The following HINT3 variants were observed in gnomAD, a reference collection of about 807,000 sequenced individuals.
HINT3 encodes the protein adenosine 5'-monophosphoramidase HINT3.
In HINT3, 16 loss-of-function variants were observed where a neutral mutation model predicts 19.1. The observed-to-expected ratio is 0.84, with a 90% CI of 0.57 to 1.27. The LOEUF (loss-of-function observed/expected upper bound fraction) is 1.27. Ranked by LOEUF, HINT3 falls within the 50% of genes most tolerant of loss-of-function variation. The probability of loss-of-function intolerance (pLI) is 0.00; values close to 1 mark genes in which losing one functional copy is unlikely to be tolerated. For missense variants in HINT3, 197 were observed against 225.8 expected, an observed-to-expected ratio of 0.87 and a Z score of 0.82; for synonymous variants, 75 against 84.8, an observed-to-expected ratio of 0.88 and a Z score of 0.63.
chr6:125,958,694 A>G (rs1051030135), intron 1 of HINT3, among the ~76,000 whole-genome samples: 3 of 152,154 alleles, frequency 2.0e-5, no homozygotes, highest in African/African-American at 7.2e-5. Flanking sequence ...CCCAGGGTAC[A>G]TTTTGCAATG....
In HINT3 at chr6:125,957,030, C is replaced by G. The variant is rs780714215; in HGVS notation, c.53C>G (p.Ala18Gly). 5 of 1,550,758 alleles carry G rather than the reference C, an allele frequency of 3.2e-6. No individual in the cohort carries two copies. The highest frequency in any genetic ancestry group is 4.4e-6 in the Non-Finnish European group (5 of 1,146,880). Residue 18 changes from alanine to glycine, a missense_variant, in exon 1 of 5, where the codon GCC becomes GGC. By Grantham distance (60) the Ala-to-Gly change is moderately conservative. Transcript: ENST00000229633. ...RSAGLAPDCE[A>G]SATAETTVSS... ...GCCGGCCTGGCCCCCGACTGTGAGG[C>G]CTCGGCGACTGCAGAAACTACGGTT... is the stretch of plus-strand genomic sequence containing the variant.
chr6:125,975,127 A>T (rs1789163287), intron 4 of HINT3, among the ~76,000 whole-genome samples, 154 bp downstream of exon 4: 1 of 152,156 alleles, frequency 6.6e-6, no homozygotes, highest in Non-Finnish European at 1.5e-5. Flanking sequence ...TAATATTTTT[A>T]ATTTGGGGGA....
At chr6:125,965,733 C>A (rs985577004) in intron 1 of HINT3, among the ~76,000 whole-genome samples, 1 of 151,976 alleles carries the variant, frequency 6.6e-6, no homozygotes, top group East Asian at 1.9e-4. Flanking sequence ...GCCTGGGCTA[C>A]AGAGAGAGAC....
chr6:125,968,828 G>A (rs777343429), intron 2 of HINT3, among the ~76,000 whole-genome samples: 2 of 151,874 alleles, frequency 1.3e-5, no homozygotes, highest in African/African-American at 4.8e-5. Flanking sequence ...AGAAGTGTCC[G>A]TTTATGTCTT....
chr6:125,958,402 G>A (rs747327399), intron 1 of HINT3, among the ~76,000 whole-genome samples: 2 of 152,200 alleles, frequency 1.3e-5, no homozygotes, highest in African/African-American at 4.8e-5. Context: ...TTAATGGTGG[G>A]TTGGGAGGAA....
intron 2 of HINT3, among the ~76,000 whole-genome samples, chr6:125,968,926 A>G (rs1216696651): frequency 1.3e-5 from 2 of 152,136 alleles, no homozygotes; most frequent in Non-Finnish European, 2.9e-5. Flanking sequence ...TGTCAGATGC[A>G]TAGTTTGCAA....
chr6:125,973,834 G>T (rs7775316), intron 3 of HINT3, among the ~76,000 whole-genome samples: 108,867 of 152,134 alleles, frequency 0.72, 39,509 homozygotes, highest in East Asian at 0.95. Flanking sequence ...TCTAACTTTG[G>T]GACCTTGGGA....
At chr6:125,961,509 G>T (rs914926098) in intron 1 of HINT3, among the ~76,000 whole-genome samples, 1 of 152,184 alleles carries the variant, frequency 6.6e-6, no homozygotes, top group Non-Finnish European at 1.5e-5. Flanking sequence ...CTTGAAGTTG[G>T]GGATCCCACA....
At chr6:125,958,202 G>T (rs1788868910) in intron 1 of HINT3, among the ~76,000 whole-genome samples, 1 of 152,086 alleles carries the variant, frequency 6.6e-6, no homozygotes. Flanking sequence ...GTCCCAGGTT[G>T]AGAGACCCCC....
At chr6:125,959,344 A>T (rs888019291) in intron 1 of HINT3, among the ~76,000 whole-genome samples, 2 of 152,198 alleles carry the variant, frequency 1.3e-5, no homozygotes, top group African/African-American at 4.8e-5. Context: ...GGGAATAGAG[A>T]AGGAACAGAG....
In HINT3 at chr6:125,966,930, C is replaced by T. The variant is rs1380371789; in HGVS notation, c.245C>T (p.Thr82Ile). 2.5e-6 allele frequency: 4 copies of T among 1,612,940 alleles called. No individual in the cohort carries two copies. The highest frequency in any genetic ancestry group is 2.7e-5 in the African/African-American group (2 of 74,858). The change falls in exon 2 of 5, where the codon ACT becomes ATT. Residue 82 changes from threonine to isoleucine, a missense_variant. Coordinates refer to ENST00000229633, the MANE Select transcript of HINT3 (RefSeq NM_138571.5). ...TTCAAAGATATCAAACCAGCAGCAA[C>T]TCATCATTATCTTGTGGTGCCAAAG... ...ICFKDIKPAA[T>I]HHYLVVPKKH...
At chr6:125,960,660 G>GGGGGT (rs1554209611) in intron 1 of HINT3, among the ~76,000 whole-genome samples, 1 of 145,464 alleles carries the variant, frequency 6.9e-6, no homozygotes, top group Admixed American at 7.0e-5. Flanking sequence ...CTCTCTGGGG[G>GGGGGT]GGGGGAAAAA....
chr6:125,975,020 T>A (rs1199416204), intron 4 of HINT3, 47 bp downstream of exon 4: 1 of 1,586,992 alleles, frequency 6.3e-7, no homozygotes, highest in Admixed American at 1.7e-5. Context: ...ATTTAAAATA[T>A]CCTTTTCATT....
intron 4 of HINT3, among the ~76,000 whole-genome samples, chr6:125,976,213 C>T (rs982404464): frequency 2.6e-5 from 4 of 152,184 alleles, no homozygotes; most frequent in Non-Finnish European, 5.9e-5. Context: ...TCCCTGTCTT[C>T]AACTTGTTGC....
At position 125,962,155 on chromosome 6, in the gene HINT3, T is replaced by C. The variant is rs1044720465; in HGVS notation, c.202-4732T>C. Among the ~76,000 whole-genome samples the C allele has an allele frequency of 6.1e-4, 37 of 60,308 alleles. 1 individual carries two copies. The highest frequency in any genetic ancestry group is 5.1e-3 in the African/African-American group (37 of 7,250). 39.6% of individuals were successfully genotyped at this position (60,308 alleles called of 152,430 possible). ...GGAATCGTGGATGGAAACCCATATATATATACACATATATATATATATATA... is the reference window on the plus strand; with the variant it reads ...GGAATCGTGGATGGAAACCCATATACATATACACATATATATATATATATA... On this transcript the variant is annotated intron_variant, in intron 1 of 4. Coordinates refer to ENST00000229633, the MANE Select transcript of HINT3 (RefSeq NM_138571.5).
chr6:125,970,144 G>A (rs771537517), intron 2 of HINT3, among the ~76,000 whole-genome samples: 1 of 152,098 alleles, frequency 6.6e-6, no homozygotes, highest in Non-Finnish European at 1.5e-5. Context: ...TTGATGTGTA[G>A]TTCATTAATA....
chr6:125,960,665 GAAAAAAA>G lies in HINT3; in HGVS notation c.201+3490_201+3496del, dbSNP rs71551729. Among the ~76,000 whole-genome samples, 862 of 111,634 alleles carry G rather than the reference GAAAAAAA, an allele frequency of 7.7e-3. 16 individuals carry two copies. Among genetic ancestry groups the G allele is most frequent in the Middle Eastern group, 0.024 (4 of 166 alleles). 73.2% of individuals were successfully genotyped at this position (111,634 alleles called of 152,430 possible). On this transcript the variant is annotated intron_variant, in intron 1 of 4. Coordinates refer to ENST00000229633, the MANE Select transcript of HINT3 (RefSeq NM_138571.5). ...GAGCAAGACTCTCTCTGGGGGGGGG[GAAAAAAA>G]AAGAAGTTAGGGCAAGCAAGTGGCT...
chr6:125,978,729 A>C lies in HINT3; in HGVS notation c.*1053A>C, dbSNP rs970818060. 2.6e-5 allele frequency: 4 copies of C among 152,350 alleles called. No homozygotes were observed. The South Asian group carries it at 6.2e-4, about 24-fold the overall frequency. 9.4% of individuals were successfully genotyped at this position (152,350 alleles called of 1,614,324 possible). ...GAACATGAGGATTAACGAACTGTTG[A>C]AAATAGGCTGAGATACTAGTTTTCT... On this transcript the variant is annotated 3_prime_UTR_variant, in exon 5 of 5. Transcript: ENST00000229633.
Position 125,979,230 on chromosome 6 carries a change from G to A in HINT3, c.*1554G>A, listed in dbSNP as rs1255145826. The A allele has an allele frequency of 6.6e-6, 1 of 152,204 alleles. No individual in the cohort carries two copies. The highest frequency in any genetic ancestry group is 2.4e-5 in the African/African-American group (1 of 41,446). The allele number at this position is 152,204 out of a possible 1,614,324, so 9.4% of individuals were successfully genotyped here. On this transcript the variant is annotated 3_prime_UTR_variant, in exon 5 of 5. Transcript: ENST00000229633. ...ATCTTATTTACTGAAGGTGGAGAAA[G>A]GATGTGGAAGTAGGGGTTATGGGCT...
Sources: allele counts gnomAD v4.1 joint callset (sites outside exome capture counted in the v4.1 genomes callset), GRCh38; gene constraint gnomAD v4.1.1; transcripts MANE v1.5; gene names NCBI Gene and HGNC (gene_info 2026-07-23, HGNC 2026-07-21).